The following IGFL2 variants were observed in gnomAD, a reference collection of about 807,000 sequenced individuals.
IGFL2 encodes insulin growth factor-like family member 2.
IGFL2 carries 7 observed loss-of-function variants against 13.9 expected under a neutral mutation model. That is an observed-to-expected ratio of 0.51 (90% confidence interval 0.29 to 0.95). The LOEUF is 0.95. Among genes scored for constraint, IGFL2 ranks in the 40% least tolerant of loss-of-function variants. The pLI, the probability that IGFL2 is intolerant of heterozygous loss-of-function variation, is 0.08. For missense variants in IGFL2, 138 were observed against 147.8 expected, an observed-to-expected ratio of 0.93 and a Z score of 0.34; for synonymous variants, 55 against 55.8, an observed-to-expected ratio of 0.99 and a Z score of 0.07.
the IGFL2 span, among the ~76,000 whole-genome samples, chr19:46,116,738 T>C: frequency 6.6e-6 from 1 of 152,206 alleles, no homozygotes; most frequent in Non-Finnish European, 1.5e-5. Flanking sequence ...CAATGTGATG[T>C]TCTAATTCAT....
At chr19:46,105,090 C>G in the IGFL2 span, among the ~76,000 whole-genome samples, 1 of 152,258 alleles carries the variant, frequency 6.6e-6, no homozygotes, top group African/African-American at 2.4e-5. Context: ...TTTTGATGGC[C>G]CTTGCAGTGA....
chr19:46,114,085 T>C, the IGFL2 span, among the ~76,000 whole-genome samples: 1 of 152,170 alleles, frequency 6.6e-6, no homozygotes, highest in Non-Finnish European at 1.5e-5. Flanking sequence ...CTTTCTCTGG[T>C]AACAATCCAG....
chr19:46,173,118 G>T, the IGFL2 span, among the ~76,000 whole-genome samples: 1 of 152,330 alleles, frequency 6.6e-6, no homozygotes, highest in Non-Finnish European at 1.5e-5. Flanking sequence ...GTGGAAAATA[G>T]TATTGTTGCT....
the IGFL2 span, among the ~76,000 whole-genome samples, chr19:46,131,238 T>G: frequency 6.6e-6 from 1 of 152,224 alleles, no homozygotes; most frequent in African/African-American, 2.4e-5. Context: ...TATCTGTTGA[T>G]GGACTCTGTT....
chr19:46,155,996 G>A (rs959342644), intron 1 of IGFL2, among the ~76,000 whole-genome samples: 3 of 152,082 alleles, frequency 2.0e-5, no homozygotes, highest in African/African-American at 7.2e-5. Context: ...AAAAAAATAT[G>A]TATAGAGTCA....
chr19:46,205,438 GC>G, the IGFL2 span, among the ~76,000 whole-genome samples: 1 of 152,164 alleles, frequency 6.6e-6, no homozygotes, highest in Non-Finnish European at 1.5e-5. Context: ...AAGTCCATTT[GC>G]ATAATAAGAT....
At chr19:46,118,307 T>C in the IGFL2 span, among the ~76,000 whole-genome samples, 1 of 151,930 alleles carries the variant, frequency 6.6e-6, no homozygotes, top group Non-Finnish European at 1.5e-5. Flanking sequence ...TACTCACATT[T>C]CAAACAAATG....
the IGFL2 span, among the ~76,000 whole-genome samples, chr19:46,088,998 A>G: frequency 6.6e-6 from 1 of 152,184 alleles, no homozygotes; most frequent in East Asian, 1.9e-4. Flanking sequence ...AAAGTTATTT[A>G]TAGGTAAGGA....
the IGFL2 span, among the ~76,000 whole-genome samples, chr19:46,115,688 C>A: frequency 1.3e-5 from 2 of 152,136 alleles, no homozygotes; most frequent in African/African-American, 4.8e-5. Flanking sequence ...GCAGCCAATA[C>A]CTAGCCAATA....
chr19:46,114,311 A>G, the IGFL2 span, among the ~76,000 whole-genome samples: 1,785 of 152,314 alleles, frequency 0.012, 14 homozygotes, highest in Middle Eastern at 0.02. Context: ...AACATGCGAA[A>G]AAAAGGGTGA....
chr19:46,095,399 T>C, the IGFL2 span, among the ~76,000 whole-genome samples: 1 of 152,254 alleles, frequency 6.6e-6, no homozygotes, highest in Admixed American at 6.5e-5. Flanking sequence ...TAAATTTGTT[T>C]AAGTTCCTTG....
the IGFL2 span, among the ~76,000 whole-genome samples, chr19:46,133,784 A>G: frequency 5.3e-5 from 8 of 152,216 alleles, 1 homozygote; most frequent in South Asian, 1.7e-3. Flanking sequence ...TACTTATTTT[A>G]TTTTCTACAC....
At chr19:46,133,126 A>G in the IGFL2 span, among the ~76,000 whole-genome samples, 1 of 152,134 alleles carries the variant, frequency 6.6e-6, no homozygotes, top group Non-Finnish European at 1.5e-5. Context: ...GCTGCTTGTC[A>G]GCCGTGAAGG....
intron 1 of IGFL2, 73 bp from the exon 2 acceptor site, chr19:46,160,342 C>G: frequency 7.2e-7 from 1 of 1,390,542 alleles, no homozygotes; most frequent in Non-Finnish European, 1.0e-6. Context: ...CCCACCCTGG[C>G]CTGCCCTCCC....
At chr19:46,188,779 C>A in the IGFL2 span, among the ~76,000 whole-genome samples, 1 of 152,234 alleles carries the variant, frequency 6.6e-6, no homozygotes, top group Non-Finnish European at 1.5e-5. Flanking sequence ...ATATTTCCTA[C>A]CCTTGCCTGA....
At chr19:46,203,842 G>A in the IGFL2 span, among the ~76,000 whole-genome samples, 1 of 152,032 alleles carries the variant, frequency 6.6e-6, no homozygotes, top group Non-Finnish European at 1.5e-5. Context: ...TCAGCCTCCC[G>A]AGTAGCTGGG....
chr19:46,103,788 G>A, the IGFL2 span, among the ~76,000 whole-genome samples: 1 of 152,140 alleles, frequency 6.6e-6, no homozygotes, highest in Non-Finnish European at 1.5e-5. Context: ...ATGATAGGAT[G>A]TATTAGGCTT....
the IGFL2 span, among the ~76,000 whole-genome samples, chr19:46,104,742 A>T: frequency 6.6e-6 from 1 of 152,212 alleles, no homozygotes; most frequent in African/African-American, 2.4e-5. Flanking sequence ...ATGGAACACT[A>T]AGAAGTGATT....
chr19:46,151,782 T>G (rs955034937), intron 1 of IGFL2, among the ~76,000 whole-genome samples: 1 of 152,074 alleles, frequency 6.6e-6, no homozygotes, highest in Admixed American at 6.6e-5. Flanking sequence ...GCATGCGGTG[T>G]GCGTCTGTAG....
Sources: allele counts gnomAD v4.1 joint callset (sites outside exome capture counted in the v4.1 genomes callset), GRCh38; gene constraint gnomAD v4.1.1; transcripts MANE v1.5; gene names NCBI Gene and HGNC (gene_info 2026-07-23, HGNC 2026-07-21).